Variants in GADL1 observed in about 807,000 individuals in gnomAD.
The protein encoded by GADL1 is acidic amino acid decarboxylase GADL1.
A neutral mutation model predicts 69.5 loss-of-function variants in GADL1; 71 were observed. The ratio of observed to expected loss-of-function variants is 1.02; its 90% confidence interval spans 0.84 to 1.25. GADL1 has a LOEUF of 1.25. GADL1 is among the 50% of genes most tolerant of loss of function. The pLI is 0.00. For synonymous variants in GADL1, 254 were observed against 214.4 expected (o/e 1.18, Z -1.62); for missense variants, 737 against 631.8 (o/e 1.17, Z -1.79).
chr3:30,767,866 C>G (rs1399885641), intron 14 of GADL1, among the ~76,000 whole-genome samples: 1 of 152,034 alleles, frequency 6.6e-6, no homozygotes, highest in African/African-American at 2.4e-5. Flanking sequence ...TACCCTTATT[C>G]AAATTTATAA....
At chr3:30,823,136 A>G (rs773433126) in intron 11 of GADL1, among the ~76,000 whole-genome samples, 3 of 152,040 alleles carry the variant, frequency 2.0e-5, no homozygotes, top group Non-Finnish European at 4.4e-5. Context: ...AGACAGGGAT[A>G]TAAACTACTG....
intron 12 of GADL1, chr3:30,800,604 G>GC (rs1303071823): frequency 2.4e-6 from 1 of 412,738 alleles, no homozygotes; most frequent in African/African-American, 2.0e-5. Flanking sequence ...ACCTCACCTT[G>GC]CCAAAAATGA....
chr3:30,822,644 G>A (rs191517803), intron 11 of GADL1, among the ~76,000 whole-genome samples: 12 of 151,792 alleles, frequency 7.9e-5, no homozygotes, highest in Non-Finnish European at 8.8e-5. Context: ...ACTAATTTTC[G>A]CATTCTTAAT....
Position 30,728,346 on chromosome 3 carries a change from C to A in GADL1, c.1462G>T (p.Gly488Ter). The change falls in exon 15 of 15, where the codon GGA (glycine) becomes TGA (stop). Residue 488 changes from glycine (G) to a stop codon, truncating the protein, a stop_gained. Transcript: ENST00000282538. LOFTEE classifies it high-confidence loss of function. The part of the protein sequence containing the change: ...SLMLGYQPHR[G>*]KVNFFRQVVI... Reference sequence around the variant, plus strand: ...ACCTGGCGGAAGAAGTTGACCTTTCCCCGGTGCGGCTGGTAGCCCAGCATC... The same window carrying A: ...ACCTGGCGGAAGAAGTTGACCTTTCACCGGTGCGGCTGGTAGCCCAGCATC... 1 of 1,613,870 alleles carries A rather than the reference C, an allele frequency of 6.2e-7. No individual in the cohort carries two copies. Among genetic ancestry groups the A allele is most frequent in the Non-Finnish European group, 8.5e-7 (1 of 1,179,836 alleles).
intron 12 of GADL1, among the ~76,000 whole-genome samples, chr3:30,788,956 A>G (rs1351307352): frequency 6.6e-6 from 1 of 152,108 alleles, no homozygotes; most frequent in Admixed American, 6.6e-5. Flanking sequence ...TATACCCCTA[A>G]AAGTCAACCA....
At chr3:30,808,404 A>G (rs761421518) in intron 11 of GADL1, among the ~76,000 whole-genome samples, 1 of 151,982 alleles carries the variant, frequency 6.6e-6, no homozygotes, top group African/African-American at 2.4e-5. Flanking sequence ...AGGCTGAGGC[A>G]GGAGAATCGC....
chr3:30,757,177 T>G (rs1282018953), intron 14 of GADL1, among the ~76,000 whole-genome samples: 2 of 152,098 alleles, frequency 1.3e-5, no homozygotes. Flanking sequence ...TCCCAAAATG[T>G]GATTGAAAAA....
At chr3:30,741,009 T>TTG (rs1695614596) in intron 14 of GADL1, among the ~76,000 whole-genome samples, 1 of 96,308 alleles carries the variant, frequency 1.0e-5, no homozygotes, top group South Asian at 3.6e-4. Flanking sequence ...TAATATATAT[T>TTG]ATATATTATA....
At chr3:30,826,442 T>C (rs1697682497) in intron 11 of GADL1, among the ~76,000 whole-genome samples, 1 of 151,830 alleles carries the variant, frequency 6.6e-6, no homozygotes. Flanking sequence ...TAGAGAGATA[T>C]CTACACCCTC....
In GADL1 at chr3:30,871,716, T is replaced by G. The variant is rs548019101; in HGVS notation, c.38-9951A>C. Among the ~76,000 whole-genome samples, 4 of 151,842 alleles carry G rather than the reference T, an allele frequency of 2.6e-5. No individual in the cohort carries two copies. In the South Asian group the frequency reaches 8.3e-4, roughly 31 times the overall value. On this transcript the variant is annotated intron_variant, in intron 1 of 14. Coordinates refer to ENST00000282538, the MANE Select transcript of GADL1 (RefSeq NM_207359.3). ...GAATCTCAGATACCACTCAGATAAT[T>G]CTGATTCTACTGAAACACCAAGGCA... is the stretch of plus-strand genomic sequence containing the variant.
intron 11 of GADL1, among the ~76,000 whole-genome samples, chr3:30,826,230 T>C (rs1314394583): frequency 2.0e-5 from 3 of 151,978 alleles, no homozygotes; most frequent in Non-Finnish European, 4.4e-5. Flanking sequence ...ATCCTCTCTC[T>C]GGGATATTTT....
intron 14 of GADL1, among the ~76,000 whole-genome samples, chr3:30,749,060 C>T (rs540853345): frequency 6.6e-6 from 1 of 152,316 alleles, no homozygotes; most frequent in South Asian, 2.1e-4. Flanking sequence ...ATCTTGCCTT[C>T]ATGTACCCTA....
chr3:30,843,545 C>G lies in GADL1; in HGVS notation c.786+665G>C, dbSNP rs78408003. Among the ~76,000 whole-genome samples the G allele has an allele frequency of 0.012, 1,891 of 152,266 alleles. 163 individuals are homozygous for G. The East Asian group carries it at 0.25, about 20-fold the overall frequency. Reference sequence around the variant, plus strand: ...TGCTGGGATTACAGGCGTGAGCCACCGCGCCCGGCCTAATGACACCCCTTT... The same window carrying G: ...TGCTGGGATTACAGGCGTGAGCCACGGCGCCCGGCCTAATGACACCCCTTT... On this transcript the variant is annotated intron_variant, in intron 8 of 14. Coordinates refer to ENST00000282538, the MANE Select transcript of GADL1 (RefSeq NM_207359.3).
intron 12 of GADL1, chr3:30,799,249 C>G (rs1697112646): frequency 6.6e-6 from 1 of 152,294 alleles, no homozygotes; most frequent in Non-Finnish European, 1.5e-5. Flanking sequence ...TCTGGGCATC[C>G]AGGGGTTTCC....
chr3:30,846,424 G>C (rs1017829764), intron 6 of GADL1, among the ~76,000 whole-genome samples: 3 of 152,088 alleles, frequency 2.0e-5, no homozygotes, highest in African/African-American at 7.2e-5. Flanking sequence ...CTCCCACAAG[G>C]ATTTTTTTCT....
intron 12 of GADL1, among the ~76,000 whole-genome samples, chr3:30,795,999 T>C (rs934645464): frequency 8.5e-5 from 13 of 152,254 alleles, no homozygotes; most frequent in African/African-American, 2.7e-4. Flanking sequence ...AATAAGTGTT[T>C]GTTGAATTGA....
chr3:30,797,662 T>C (rs1697068347), intron 12 of GADL1: 1 of 113,490 alleles, frequency 8.8e-6, no homozygotes, highest in South Asian at 4.2e-4. Context: ...TTGTTTTGTT[T>C]TGTTTTTGTT....
chr3:30,891,691 T>C (rs992966345), intron 1 of GADL1, among the ~76,000 whole-genome samples: 12 of 152,120 alleles, frequency 7.9e-5, no homozygotes, highest in South Asian at 2.1e-4. Context: ...AGTATCCCCA[T>C]TGACTTGTTA....
rs533861139 is a variant in GADL1, at chr3:30,751,347, C to T, written c.1393-22932G>A. The stretch of plus-strand genomic sequence containing the variant: ...GGTAAGGAGACTCTTGAGCCGCTTG[C>T]TGGTGTTTGTTTCTATTCTGTGAGT... On this transcript the variant is annotated intron_variant, in intron 14 of 14. Transcript: ENST00000282538. Among the ~76,000 whole-genome samples the T allele has an allele frequency of 7.2e-5, 11 of 152,072 alleles. No homozygotes were observed. The South Asian group carries it at 1.7e-3, about 23-fold the overall frequency.
Sources: allele counts gnomAD v4.1 joint callset (sites outside exome capture counted in the v4.1 genomes callset), GRCh38; gene constraint gnomAD v4.1.1; transcripts MANE v1.5; gene names NCBI Gene and HGNC (gene_info 2026-07-23, HGNC 2026-07-21).